PRKCH: variants seen among roughly 807,000 people sequenced by gnomAD.
PRKCH encodes the protein protein kinase C eta type.
PRKCH carries 28 observed loss-of-function variants against 82.5 expected under a neutral mutation model. That is an observed-to-expected ratio of 0.34 (90% CI 0.25 to 0.47). The LOEUF is 0.47. PRKCH is among the 20% of genes least tolerant of loss of function. The probability of loss-of-function intolerance (pLI) is 1.00; values close to 1 mark genes in which losing one functional copy is unlikely to be tolerated. For synonymous variants in PRKCH, 322 were observed against 327.4 expected, an observed-to-expected ratio of 0.98 and a Z score of 0.18; for missense variants, 705 against 881.8, an observed-to-expected ratio of 0.80 and a Z score of 2.54.
chr14:61,445,242 C>T (rs1016410750), intron 3 of PRKCH, among the ~76,000 whole-genome samples: 1 of 152,244 alleles, frequency 6.6e-6, no homozygotes, highest in African/African-American at 2.4e-5. Context: ...GTGATATGGA[C>T]ACAGGGACAA....
chr14:61,218,733 C>G (rs138297337), intron 1 of PRKCH, among the ~76,000 whole-genome samples: 1 of 152,140 alleles, frequency 6.6e-6, no homozygotes, highest in African/African-American at 2.4e-5. Flanking sequence ...GAAAAAATAT[C>G]ATGGCATTTG....
At chr14:61,391,539 C>T (rs951834700) in intron 2 of PRKCH, among the ~76,000 whole-genome samples, 2 of 152,122 alleles carry the variant, frequency 1.3e-5, no homozygotes, top group Admixed American at 1.3e-4. Context: ...TTGTTTTTAG[C>T]CAGTGTCATC....
intron 1 of PRKCH, among the ~76,000 whole-genome samples, chr14:61,346,957 A>ATTATAG (rs576251857): frequency 4.1e-4 from 62 of 152,284 alleles, no homozygotes; most frequent in African/African-American, 1.3e-3. Context: ...TGATGTCCTC[A>ATTATAG]CAAGCATTGT....
intron 1 of PRKCH, among the ~76,000 whole-genome samples, chr14:61,295,595 G>A (rs570759557): frequency 4.5e-4 from 68 of 152,356 alleles, no homozygotes; most frequent in African/African-American, 1.4e-3. Context: ...GGGTAATGCC[G>A]AATCCAGTGC....
rs141359596 is a variant in PRKCH at position 61,333,680 on chromosome 14, T to C, written c.363+11216T>C. ...GCCTCTATTTTTTTAAAGAGTTTGT[T>C]TGAGGTTTGCAGTAGATGAAAACTT... On this transcript the variant is annotated intron_variant, in intron 1 of 13. Transcript: ENST00000332981. Among the ~76,000 whole-genome samples the C allele has an allele frequency of 4.4e-3, 665 of 152,304 alleles. 3 individuals carry two copies. The highest frequency in any genetic ancestry group is 0.015 in the African/African-American group (615 of 41,564).
intron 10 of PRKCH, among the ~76,000 whole-genome samples, chr14:61,490,371 G>A (rs1185870634): frequency 6.6e-6 from 1 of 152,216 alleles, no homozygotes; most frequent in Non-Finnish European, 1.5e-5. Flanking sequence ...CAGAATTTGG[G>A]AAGAGTAGCA....
chr14:61,366,363 T>C (rs564647337), intron 1 of PRKCH, among the ~76,000 whole-genome samples: 1 of 152,256 alleles, frequency 6.6e-6, no homozygotes, highest in African/African-American at 2.4e-5. Flanking sequence ...CATTATTACT[T>C]TGGGAAAATT....
intron 2 of PRKCH, among the ~76,000 whole-genome samples, chr14:61,438,517 T>G (rs536542234): frequency 2.6e-5 from 4 of 152,338 alleles, no homozygotes; most frequent in African/African-American, 9.6e-5. Context: ...TACTTTCAAA[T>G]ATATATTTCT....
intron 10 of PRKCH, among the ~76,000 whole-genome samples, chr14:61,523,015 C>T (rs1322111091): frequency 6.6e-6 from 1 of 152,226 alleles, no homozygotes; most frequent in Non-Finnish European, 1.5e-5. Context: ...AGTATAAACC[C>T]AGGCACTCAA....
intron 1 of PRKCH, among the ~76,000 whole-genome samples, chr14:61,222,165 T>A (rs1436875645): frequency 1.3e-5 from 2 of 152,216 alleles, no homozygotes; most frequent in East Asian, 3.9e-4. Context: ...GTTCTGAGCC[T>A]CCCAGAGGCA....
intron 10 of PRKCH, among the ~76,000 whole-genome samples, chr14:61,522,353 G>A (rs2042917449): frequency 6.6e-6 from 1 of 152,060 alleles, no homozygotes; most frequent in South Asian, 2.1e-4. Context: ...TCCCTCTCCT[G>A]AGTCAGAGTT....
chr14:61,208,850 C>A (rs2044547413), intron 1 of PRKCH, among the ~76,000 whole-genome samples: 1 of 152,154 alleles, frequency 6.6e-6, no homozygotes, highest in South Asian at 2.1e-4. Context: ...GAAGACCTAA[C>A]CCCAATATGA....
At chr14:61,286,896 TATGGG>T (rs1287606260) in intron 1 of PRKCH, among the ~76,000 whole-genome samples, 1 of 151,418 alleles carries the variant, frequency 6.6e-6, no homozygotes, top group African/African-American at 2.4e-5. Flanking sequence ...AGGCATTAGG[TATGGG>T]ATGGCCAGAT....
At chr14:61,276,037 T>G (rs1174470476) in intron 1 of PRKCH, among the ~76,000 whole-genome samples, 2 of 152,174 alleles carry the variant, frequency 1.3e-5, no homozygotes, top group African/African-American at 4.8e-5. Context: ...AAGTAAATAA[T>G]GGAGGATGCC....
intron 1 of PRKCH, among the ~76,000 whole-genome samples, chr14:61,216,586 G>A (rs1047801444): frequency 1.3e-5 from 2 of 152,264 alleles, no homozygotes; most frequent in African/African-American, 4.8e-5. Context: ...CTGAAGGATG[G>A]GGAGCCCAGC....
chr14:61,294,202 G>A lies in PRKCH; in HGVS notation c.-19+106534G>A, dbSNP rs192813620. Among the ~76,000 whole-genome samples the A allele has an allele frequency of 6.1e-3, 920 of 151,842 alleles. 5 individuals carry two copies. The highest frequency in any genetic ancestry group is 0.021 in the African/African-American group (865 of 41,374). Reference sequence around the variant, plus strand: ...GTGGCGCGATCTCGGCTCACTGCAAGCTCCACCTCCTGGGTTCACGCCATT... The same window carrying A: ...GTGGCGCGATCTCGGCTCACTGCAAACTCCACCTCCTGGGTTCACGCCATT... On this transcript the variant is annotated intron_variant, in intron 1 of 3. Coordinates refer to the PRKCH transcript ENST00000555185.
intron 10 of PRKCH, among the ~76,000 whole-genome samples, chr14:61,515,640 C>T (rs1293953081): frequency 6.6e-6 from 1 of 152,142 alleles, no homozygotes; most frequent in Non-Finnish European, 1.5e-5. Flanking sequence ...TGGTGCCAGA[C>T]CATGTCACTG....
chr14:61,207,106 C>CAAAAAAAAA (rs71114196), intron 1 of PRKCH, among the ~76,000 whole-genome samples: 22 of 49,160 alleles, frequency 4.5e-4, no homozygotes, highest in South Asian at 3.6e-3. Context: ...AACTCCATCT[C>CAAAAAAAAA]AAAAAAAAAA....
At chr14:61,406,912 G>A (rs1360359825) in intron 2 of PRKCH, among the ~76,000 whole-genome samples, 3 of 151,980 alleles carry the variant, frequency 2.0e-5, no homozygotes, top group Non-Finnish European at 2.9e-5. Flanking sequence ...CTCGACATCC[G>A]AGATTTACTC....
Sources: allele counts gnomAD v4.1 joint callset (sites outside exome capture counted in the v4.1 genomes callset), GRCh38; gene constraint gnomAD v4.1.1; transcripts MANE v1.5; gene names NCBI Gene and HGNC (gene_info 2026-07-23, HGNC 2026-07-21).